The following EIF3L variants were observed in gnomAD, a reference collection of about 807,000 sequenced individuals.
The protein encoded by EIF3L is eukaryotic translation initiation factor 3 subunit L.
In EIF3L, 32 loss-of-function variants were observed where a neutral mutation model predicts 74.6. The ratio of observed to expected loss-of-function variants is 0.43; its 90% confidence interval spans 0.32 to 0.58. The LOEUF (loss-of-function observed/expected upper bound fraction) is 0.58. Among genes scored for constraint, EIF3L ranks in the 20% least tolerant of loss-of-function variants. The probability of loss-of-function intolerance (pLI) is 0.06; values close to 1 mark genes in which losing one functional copy is unlikely to be tolerated. For synonymous variants in EIF3L, 256 were observed against 254.4 expected (o/e 1.01, Z -0.06); for missense variants, 474 against 707.8 (o/e 0.67, Z 3.75).
At chr22:37,849,535 C>A in intron 1 of EIF3L, 53 bp downstream of exon 1, 1 of 1,535,774 alleles carries the variant, frequency 6.5e-7, no homozygotes, top group Non-Finnish European at 8.8e-7. Context: ...ATCTCTGGGA[C>A]CACTGGATGT....
intron 10 of EIF3L, chr22:37,877,450 C>T: frequency 1.8e-6 from 1 of 541,114 alleles, no homozygotes; most frequent in Non-Finnish European, 3.2e-6. Context: ...GACAGAGGTG[C>T]CAGTAAGGAA....
At chr22:37,862,924 T>A (rs1218866565) in intron 5 of EIF3L, 45 bp from the exon 6 acceptor site, 8 of 1,469,292 alleles carry the variant, frequency 5.4e-6, no homozygotes, top group Non-Finnish European at 7.6e-6. Flanking sequence ...TAAAACACAT[T>A]AAAATTAAAT....
At chr22:37,863,148 TGGGAAGA>T in intron 6 of EIF3L, 110 bp downstream of exon 6, 1 of 1,135,302 alleles carries the variant, frequency 8.8e-7, no homozygotes, top group Non-Finnish European at 1.3e-6. Flanking sequence ...AATGTGTAGG[TGGGAAGA>T]GGGGAGGTCT....
Position 37,877,307 on chromosome 22 carries a change from TGCACG to T in EIF3L, c.1078-362_1078-358del, listed in dbSNP as rs1926803956. 3 of 201,324 alleles carry T rather than the reference TGCACG, an allele frequency of 1.5e-5. No individual in the cohort carries two copies. In the South Asian group the frequency reaches 3.6e-4, roughly 24 times the overall value. 12.5% of individuals were successfully genotyped at this position (201,324 alleles called of 1,614,324 possible). On this transcript the variant is annotated intron_variant, in intron 10 of 12. Coordinates refer to ENST00000652021, the MANE Select transcript of EIF3L (RefSeq NM_016091.4). Reference sequence around the variant, plus strand: ...GGCCCGTTGTTGACTGAAACGCTGTTGCACGGCACATTACTATTTAGTCTATATTT... The same window carrying T: ...GGCCCGTTGTTGACTGAAACGCTGTTGCACATTACTATTTAGTCTATATTT...
intron 4 of EIF3L, among the ~76,000 whole-genome samples, chr22:37,855,874 A>G (rs972005210): frequency 6.6e-6 from 1 of 151,632 alleles, no homozygotes; most frequent in African/African-American, 2.4e-5. Context: ...ACTTGTTTCT[A>G]TTTCCTTCTA....
At chr22:37,860,332 A>T (rs868319990) in intron 5 of EIF3L, among the ~76,000 whole-genome samples, 1 of 152,144 alleles carries the variant, frequency 6.6e-6, no homozygotes, top group Admixed American at 6.5e-5. Flanking sequence ...TGTCTTCAAC[A>T]TACTTCTTTT....
At chr22:37,859,395 T>TTTTTTTTTTTTTTTG (rs61227504) in intron 5 of EIF3L, among the ~76,000 whole-genome samples, 1 of 122,908 alleles carries the variant, frequency 8.1e-6, no homozygotes. Context: ...TTTTTTTTTT[T>TTTTTTTTTTTTTTTG]GAGAGAGAGT....
intron 11 of EIF3L, chr22:37,881,813 C>T (rs1927064047): frequency 6.6e-6 from 1 of 152,160 alleles, no homozygotes; most frequent in Non-Finnish European, 1.5e-5. Flanking sequence ...CTGTTACTAT[C>T]TTGTCAGCTC....
chr22:37,888,669 T>C lies in EIF3L; in HGVS notation c.*205T>C, dbSNP rs1337024154. The C allele has an allele frequency of 1.7e-6, 1 of 589,230 alleles. No individual in the cohort carries two copies. Among genetic ancestry groups the C allele is most frequent in the African/African-American group, 1.9e-5 (1 of 53,724 alleles). The allele number at this position is 589,230 out of a possible 1,614,324, so 36.5% of individuals were successfully genotyped here. A position where few individuals can be genotyped will look rare whatever the true frequency, so the allele number is the denominator to read the frequency against. ...TTATTGTAGGAGAGAATTTGTGGGT[T>C]GTGGCAGTAATACATTTCCCATGTG... On this transcript the variant is annotated 3_prime_UTR_variant, in exon 13 of 13. Transcript: ENST00000652021.
intron 7 of EIF3L, among the ~76,000 whole-genome samples, chr22:37,865,980 C>T (rs1449769053): frequency 6.6e-6 from 1 of 152,146 alleles, no homozygotes; most frequent in Non-Finnish European, 1.5e-5. Flanking sequence ...TGTATTTCGT[C>T]CTGGCCAGGT....
At chr22:37,872,237 C>T (rs1926515545) in intron 8 of EIF3L, among the ~76,000 whole-genome samples, 1 of 152,006 alleles carries the variant, frequency 6.6e-6, no homozygotes, top group Admixed American at 6.6e-5. Context: ...CCTGTCTCAG[C>T]CTCCAGGGAT....
In EIF3L at chr22:37,877,791, T is replaced by C; in HGVS notation, c.1195T>C (p.Leu399=). The C allele has an allele frequency of 6.2e-7, 1 of 1,613,912 alleles. No homozygotes were observed. The highest frequency in any genetic ancestry group is 8.5e-7 in the Non-Finnish European group (1 of 1,179,868). Residue 399 remains leucine (L), a synonymous_variant, in exon 11 of 13, where the codon TTG becomes CTG. Coordinates refer to ENST00000652021, the MANE Select transcript of EIF3L (RefSeq NM_016091.4). ...GCGGGAGAAATATGGGGACAAGATG[T>C]TGCGCATGCAGAAAGGTGACCCACA... is the stretch of plus-strand genomic sequence containing the variant. ...QLREKYGDKM[L]RMQKGDPQVY...
At chr22:37,871,313 G>A (rs1252920879) in intron 8 of EIF3L, 1 of 152,084 alleles carries the variant, frequency 6.6e-6, no homozygotes, top group East Asian at 1.9e-4. Context: ...ACTACACCAT[G>A]TAGTAGTATG....
At chr22:37,876,218 C>T (rs1209436177) in intron 10 of EIF3L, 2 of 525,684 alleles carry the variant, frequency 3.8e-6, no homozygotes, top group Non-Finnish European at 6.6e-6. Flanking sequence ...CAGCCTCAAC[C>T]TCCTGGGATC....
chr22:37,865,993 A>C (rs932939859), intron 7 of EIF3L, among the ~76,000 whole-genome samples: 1 of 152,178 alleles, frequency 6.6e-6, no homozygotes, highest in Non-Finnish European at 1.5e-5. Context: ...GGCCAGGTAG[A>C]TGCCACATGG....
At chr22:37,854,621 C>A (rs960844590) in intron 3 of EIF3L, among the ~76,000 whole-genome samples, 1 of 152,212 alleles carries the variant, frequency 6.6e-6, no homozygotes, top group African/African-American at 2.4e-5. Context: ...GTGTGCACCA[C>A]CATGCCTGGC....
Position 37,888,834 on chromosome 22 carries a change from C to T in EIF3L, c.*370C>T. On this transcript the variant is annotated 3_prime_UTR_variant, in exon 13 of 13. Transcript: ENST00000652021. The stretch of plus-strand genomic sequence containing the variant: ...CTCAGTTCGTTGCATCCTCCGCTGC[C>T]CAGGTTCAAGCAGTTCTGCCTCAGC... 4.7e-6 allele frequency: 1 copy of T among 212,068 alleles called. No homozygotes were observed. Among genetic ancestry groups the T allele is most frequent in the Non-Finnish European group, 9.4e-6 (1 of 106,302 alleles). 13.1% of individuals were successfully genotyped at this position (212,068 alleles called of 1,614,324 possible).
rs565936614 is a variant in EIF3L, at chr22:37,864,962, G to A, written c.579+1617G>A. Among the ~76,000 whole-genome samples, 6 of 152,314 alleles carry A rather than the reference G, an allele frequency of 3.9e-5. No homozygotes were observed. The East Asian group carries it at 9.6e-4, about 24-fold the overall frequency. Reference sequence around the variant, plus strand: ...ATGTTGCTGAGATACTACGTATAGAGTGTTTAGCATAGTGCCTGTCACAGA... The same window carrying A: ...ATGTTGCTGAGATACTACGTATAGAATGTTTAGCATAGTGCCTGTCACAGA... On this transcript the variant is annotated intron_variant, in intron 7 of 12. Coordinates refer to ENST00000652021, the MANE Select transcript of EIF3L (RefSeq NM_016091.4).
At chr22:37,875,049 A>G (rs1926673112) in intron 9 of EIF3L, among the ~76,000 whole-genome samples, 1 of 151,084 alleles carries the variant, frequency 6.6e-6, no homozygotes, top group Non-Finnish European at 1.5e-5. Context: ...GGCCCATGGC[A>G]GCTCTTTGCT....
Sources: gnomAD v4.1 joint callset for allele counts (sites outside exome capture counted in the v4.1 genomes callset) on GRCh38, gnomAD v4.1.1 for gene constraint, MANE v1.5 for transcripts, NCBI Gene and HGNC (gene_info 2026-07-23, HGNC 2026-07-21) for gene names.